The following HGS variants were observed in gnomAD, a reference collection of about 807,000 sequenced individuals.
HGS encodes the protein hepatocyte growth factor-regulated tyrosine kinase substrate.
A neutral mutation model predicts 109.7 loss-of-function variants in HGS; 63 were observed. The ratio of observed to expected loss-of-function variants is 0.57; its 90% CI spans 0.47 to 0.71. The LOEUF is 0.71. Ranked by LOEUF, HGS falls within the 30% of genes least tolerant of loss-of-function variation. HGS has a pLI of 0.00. For missense variants in HGS, 995 were observed against 1,068.3 expected (o/e 0.93, Z 0.96); for synonymous variants, 546 against 437.3 (o/e 1.25, Z -3.10).
chr17:81,686,257 G>T, intron 2 of HGS, 55 bp from the exon 3 acceptor site: 3 of 1,454,276 alleles, frequency 2.1e-6, no homozygotes, highest in East Asian at 2.3e-5. Flanking sequence ...CATCTTAGTT[G>T]CTGAGACTAT....
intron 18 of HGS, among the ~76,000 whole-genome samples, chr17:81,698,801 G>A (rs934941684): frequency 6.6e-6 from 1 of 152,218 alleles, no homozygotes; most frequent in Non-Finnish European, 1.5e-5. Context: ...AGGTGCGGTG[G>A]CTCATGCCTG....
Position 81,694,825 on chromosome 17 carries a change from C to T in HGS, c.947C>T (p.Ala316Val), listed in dbSNP as rs778014275. 16 of 1,614,138 alleles carry T rather than the reference C, an allele frequency of 9.9e-6. No homozygotes were observed. Among genetic ancestry groups the T allele is most frequent in the East Asian group, 2.2e-5 (1 of 44,902 alleles). ...SLYSSPVNSS[A>V]PLAEDIDPEL... ...CCCTTTTCTCCCCAGAACTCGTCGG[C>T]GCCTCTGGCTGAGGACATCGACCCT... Residue 316 changes from alanine to valine, a missense_variant, in exon 12 of 22, where the codon GCG becomes GTG. Coordinates refer to ENST00000329138, the MANE Select transcript of HGS (RefSeq NM_004712.5).
chr17:81,695,705 TG>T, intron 14 of HGS, 80 bp from the exon 15 acceptor site: 2 of 1,235,938 alleles, frequency 1.6e-6, no homozygotes, highest in Non-Finnish European at 2.4e-6. Flanking sequence ...TGAGTATAGC[TG>T]GGTGCCTCCA....
At chr17:81,688,608 T>A in intron 4 of HGS, 96 bp from the exon 5 acceptor site, 1 of 1,487,166 alleles carries the variant, frequency 6.7e-7, no homozygotes, top group Non-Finnish European at 9.2e-7. Context: ...CAGCCCCATC[T>A]GCTCAGAGGC....
At chr17:81,694,088 G>A in intron 11 of HGS, 123 bp downstream of exon 11, 3 of 785,014 alleles carry the variant, frequency 3.8e-6, no homozygotes, top group Non-Finnish European at 5.9e-6. Context: ...TTCCCAGAGA[G>A]GACAGCCCCA....
chr17:81,687,941 C>T (rs960127464), intron 4 of HGS, among the ~76,000 whole-genome samples: 6 of 152,200 alleles, frequency 3.9e-5, no homozygotes, highest in East Asian at 3.9e-4. Context: ...CGGAAGGTGC[C>T]GGAGTCTGGC....
intron 3 of HGS, 135 bp from the exon 4 acceptor site, chr17:81,686,868 C>G (rs1325182572): frequency 2.9e-6 from 2 of 680,190 alleles, no homozygotes; most frequent in Non-Finnish European, 5.1e-6. Context: ...TCTGCTGTCC[C>G]ACCGGGTTCC....
At chr17:81,690,801 C>T in intron 7 of HGS, 59 bp downstream of exon 7, 3 of 1,472,054 alleles carry the variant, frequency 2.0e-6, no homozygotes, top group Non-Finnish European at 1.9e-6. Flanking sequence ...CCCTGCCGTG[C>T]ACAAGGCCAC....
chr17:81,685,926 A>T (rs955433603), intron 2 of HGS, among the ~76,000 whole-genome samples: 1 of 151,876 alleles, frequency 6.6e-6, no homozygotes, highest in Non-Finnish European at 1.5e-5. Flanking sequence ...AAAGACTAAG[A>T]TGGCAGACAG....
Position 81,691,873 on chromosome 17 carries a change from GA to G in HGS, c.662+306del, listed in dbSNP as rs2037068026. ...TTCAACTTTCGGAATAAAACTTACA[GA>G]AAAGTTGCAAGAGTAGCACAGAGAA... On this transcript the variant is annotated intron_variant, in intron 8 of 21. Transcript: ENST00000329138. The surrounding 1 kb of genome is among the most constrained non-coding windows in gnomAD (Gnocchi z 5.3). 3.3e-6 allele frequency: 1 copy of G among 302,430 alleles called. No individual in the cohort carries two copies. The highest frequency in any genetic ancestry group is 4.2e-5 in the Admixed American group (1 of 23,628). The allele number at this position is 302,430 out of a possible 1,614,324, so 18.7% of individuals were successfully genotyped here. A position where few individuals can be genotyped will look rare whatever the true frequency, so the allele number is the denominator to read the frequency against.
chr17:81,701,392 G>A (rs2144509294), intron 21 of HGS, 116 bp from the exon 22 acceptor site: 2 of 1,161,988 alleles, frequency 1.7e-6, no homozygotes, highest in East Asian at 2.6e-5. Flanking sequence ...ATGAGCTGCA[G>A]TCCGTGGACA....
intron 1 of HGS, among the ~76,000 whole-genome samples, chr17:81,685,353 T>G (rs2036961461): frequency 6.6e-6 from 1 of 152,184 alleles, no homozygotes; most frequent in Non-Finnish European, 1.5e-5. Context: ...CTGAGTGTCT[T>G]TACCTCGCTC....
chr17:81,688,025 G>T (rs188151247), intron 4 of HGS, among the ~76,000 whole-genome samples: 1 of 152,356 alleles, frequency 6.6e-6, no homozygotes, highest in East Asian at 1.9e-4. Context: ...CCTCTGGGGT[G>T]AGGCAGGGCT....
chr17:81,694,362 G>A (rs571117406), intron 11 of HGS, among the ~76,000 whole-genome samples: 3 of 152,354 alleles, frequency 2.0e-5, no homozygotes, highest in East Asian at 1.9e-4. Flanking sequence ...GGGTTGGGTC[G>A]GGGACAGCAG....
Position 81,701,706 on chromosome 17 carries a change from C to A in HGS, c.*88C>A, listed in dbSNP as rs1731570496. The A allele has an allele frequency of 1.3e-6, 2 of 1,483,562 alleles. No individual in the cohort carries two copies. Among genetic ancestry groups the A allele is most frequent in the Admixed American group, 2.1e-5 (1 of 47,882 alleles). 91.9% of individuals were successfully genotyped at this position (1,483,562 alleles called of 1,614,324 possible). On this transcript the variant is annotated 3_prime_UTR_variant, in exon 22 of 22. Transcript: ENST00000329138. ...AACTGCCGTCGTCCTGCCTCCCTGT[C>A]CTCTACTGCCGGTAGTGTCCCTTCT...
chr17:81,687,167 CTGA>C (rs1454926808), intron 4 of HGS, 72 bp downstream of exon 4: 4 of 1,006,916 alleles, frequency 4.0e-6, no homozygotes, highest in Non-Finnish European at 6.2e-6. Flanking sequence ...TTACTGGGCA[CTGA>C]TGACAGAACA....
At chr17:81,688,658 C>A (rs764826895) in intron 4 of HGS, 46 bp from the exon 5 acceptor site, 1 of 1,607,980 alleles carries the variant, frequency 6.2e-7, no homozygotes, top group Non-Finnish European at 8.5e-7. Context: ...AGGCCTCTGG[C>A]GCCTGGAGTG....
At chr17:81,693,786 G>A (rs775768509) in intron 10 of HGS, 34 bp downstream of exon 10, 71 of 1,541,666 alleles carry the variant, frequency 4.6e-5, no homozygotes, top group Non-Finnish European at 6.1e-5. Context: ...CCTCAGGAGG[G>A]GCCCAGCTCC....
At chr17:81,694,407 G>T (rs1210017259) in intron 11 of HGS, among the ~76,000 whole-genome samples, 1 of 152,224 alleles carries the variant, frequency 6.6e-6, no homozygotes, top group African/African-American at 2.4e-5. Flanking sequence ...CCGTGGAGTG[G>T]CCAGGCCGCT....
Sources: gnomAD v4.1 joint callset for allele counts (sites outside exome capture counted in the v4.1 genomes callset) on GRCh38, gnomAD v4.1.1 for gene constraint, Gnocchi (gnomAD v3.1) non-coding constraint, MANE v1.5 for transcripts, NCBI Gene and HGNC (gene_info 2026-07-23, HGNC 2026-07-21) for gene names.